Variants in TBC1D32 observed in about 807,000 individuals in gnomAD.
TBC1D32 encodes the protein protein broad-minded.
Under a neutral mutation model 170.3 loss-of-function variants are expected in TBC1D32, and 151 were observed. That is an observed-to-expected ratio of 0.89 (90% CI 0.78 to 1.01). The LOEUF (loss-of-function observed/expected upper bound fraction) is 1.01, where lower values mean the gene tolerates loss of function less well. Ranked by LOEUF, TBC1D32 falls within the 50% of genes least tolerant of loss-of-function variation. The pLI, the probability that TBC1D32 is intolerant of heterozygous loss-of-function variation, is 0.00. For synonymous variants in TBC1D32, 498 were observed against 488.0 expected, an observed-to-expected ratio of 1.02 and a Z score of -0.27; for missense variants, 1,464 against 1,457.1, an observed-to-expected ratio of 1.00 and a Z score of -0.08.
chr6:121,270,961 G>A (rs1801322800), intron 15 of TBC1D32, among the ~76,000 whole-genome samples: 1 of 152,088 alleles, frequency 6.6e-6, no homozygotes, highest in African/African-American at 2.4e-5. Flanking sequence ...TTCAACATAT[G>A]CAAATCAATA....
chr6:121,088,708 C>T (rs1776503132), intron 31 of TBC1D32, among the ~76,000 whole-genome samples: 1 of 152,156 alleles, frequency 6.6e-6, no homozygotes, highest in Admixed American at 6.5e-5. Flanking sequence ...TTGTCCTAAT[C>T]TCTCAGATAA....
intron 29 of TBC1D32, among the ~76,000 whole-genome samples, chr6:121,109,005 G>GA (rs921401884): frequency 7.9e-5 from 12 of 151,900 alleles, no homozygotes; most frequent in Admixed American, 7.2e-4. Context: ...TCTCCTCTCA[G>GA]AAAAAAATGG....
chr6:121,158,626 AG>A (rs1234150329), intron 24 of TBC1D32, among the ~76,000 whole-genome samples: 2 of 152,086 alleles, frequency 1.3e-5, no homozygotes, highest in Non-Finnish European at 2.9e-5. Flanking sequence ...TTTAACTGTG[AG>A]GTAAGTTGAG....
Position 121,145,076 on chromosome 6 carries a change from G to C in TBC1D32, c.2774-13324C>G, listed in dbSNP as rs114923729. On this transcript the variant is annotated intron_variant, in intron 24 of 31. Transcript: ENST00000398212. ...TTACAAGTGGGTCCAAGAGAGAATG[G>C]AAAGAGAGTAATGGGAATACTCAGC... 8.7e-3 allele frequency among the ~76,000 whole-genome samples: 1,320 copies of C among 152,290 alleles called. 17 individuals carry two copies. Among genetic ancestry groups the C allele is most frequent in the African/African-American group, 0.03 (1,255 of 41,568 alleles).
chr6:121,241,570 G>T lies in TBC1D32; in HGVS notation c.2158-18C>A, dbSNP rs1223360031. ...CTGCTGACCTAACAGCATAAATAAG[G>T]AACAGCAATGAAAAGCAACAAAACA... is the stretch of plus-strand genomic sequence containing the variant. On this transcript the variant is annotated intron_variant, in intron 18 of 31. Transcript: ENST00000398212. 6.2e-7 allele frequency: 1 copy of T among 1,602,938 alleles called. No individual in the cohort carries two copies. The highest frequency in any genetic ancestry group is 1.3e-5 in the African/African-American group (1 of 74,776).
chr6:121,083,296 ATTT>A (rs992422521), intron 31 of TBC1D32, among the ~76,000 whole-genome samples: 1 of 151,986 alleles, frequency 6.6e-6, no homozygotes, highest in Non-Finnish European at 1.5e-5. Flanking sequence ...TGCTCAAGAA[ATTT>A]TTTTAATAGA....
chr6:121,255,447 TAG>T, intron 16 of TBC1D32, 37 bp from the exon 17 acceptor site: 2 of 724,594 alleles, frequency 2.8e-6, no homozygotes, highest in Non-Finnish European at 4.3e-6. Flanking sequence ...TGCTTACTGA[TAG>T]CACTAGCCAT....
chr6:121,267,638 C>T (rs1800721020), intron 15 of TBC1D32, among the ~76,000 whole-genome samples: 1 of 152,136 alleles, frequency 6.6e-6, no homozygotes, highest in Non-Finnish European at 1.5e-5. Context: ...CTGGAGCCCA[C>T]CGTAGCTCAA....
At position 121,242,331 on chromosome 6, in the gene TBC1D32, C is replaced by T; in HGVS notation, c.2027G>A (p.Trp676Ter). Residue 676 changes from tryptophan to a stop codon, truncating the protein, a stop_gained, in exon 18 of 32, where the codon TGG (tryptophan) becomes TAG (stop). Coordinates refer to ENST00000398212, the MANE Select transcript of TBC1D32 (RefSeq NM_152730.6). LOFTEE classifies it high-confidence loss of function. ...TAAATCATCTAACAAATTATCTTCC[C>T]AAGCCATACTGAAATAGGTAAAAGA... ...VSQESQNIMA[W>*]EDNLLDDLLH... 1 of 1,610,286 alleles carries T rather than the reference C, an allele frequency of 6.2e-7. No individual in the cohort carries two copies. Among genetic ancestry groups the T allele is most frequent in the Non-Finnish European group, 8.5e-7 (1 of 1,178,924 alleles).
chr6:121,201,847 C>A (rs1406410386), intron 22 of TBC1D32, among the ~76,000 whole-genome samples: 1 of 150,980 alleles, frequency 6.6e-6, no homozygotes, highest in Non-Finnish European at 1.5e-5. Context: ...TAATTTTCTG[C>A]ATTGGTTAAT....
chr6:121,284,587 A>C (rs1210320459), intron 12 of TBC1D32, among the ~76,000 whole-genome samples: 1 of 152,156 alleles, frequency 6.6e-6, no homozygotes, highest in Admixed American at 6.6e-5. Flanking sequence ...CCATAGACAA[A>C]ATTTATCAAC....
At chr6:121,241,877 T>C (rs2128362928) in intron 18 of TBC1D32, among the ~76,000 whole-genome samples, 1 of 152,294 alleles carries the variant, frequency 6.6e-6, no homozygotes, top group Non-Finnish European at 1.5e-5. Context: ...CATATACATT[T>C]AGACACAATA....
At chr6:121,230,003 C>A (rs1211886135) in intron 20 of TBC1D32, among the ~76,000 whole-genome samples, 1 of 152,090 alleles carries the variant, frequency 6.6e-6, no homozygotes. Context: ...CCTCCGCCTT[C>A]CTTCCTGAAT....
intron 21 of TBC1D32, among the ~76,000 whole-genome samples, chr6:121,210,227 CA>C (rs964054829): frequency 4.0e-5 from 6 of 151,716 alleles, no homozygotes; most frequent in African/African-American, 7.3e-5. Context: ...GAAAAACAGG[CA>C]AAAATGAATG....
intron 22 of TBC1D32, among the ~76,000 whole-genome samples, chr6:121,193,099 T>G (rs1790285647): frequency 6.6e-6 from 1 of 152,068 alleles, no homozygotes; most frequent in Non-Finnish European, 1.5e-5. Context: ...AGAACAGGCA[T>G]GGGAATGGAT....
intron 3 of TBC1D32, among the ~76,000 whole-genome samples, chr6:121,312,240 G>A (rs779394889): frequency 6.6e-6 from 1 of 152,108 alleles, no homozygotes; most frequent in South Asian, 2.1e-4. Context: ...AATACCAAAT[G>A]CATGCAGGGC....
chr6:121,290,836 T>G (rs888032072), intron 12 of TBC1D32, among the ~76,000 whole-genome samples: 1 of 152,098 alleles, frequency 6.6e-6, no homozygotes, highest in African/African-American at 2.4e-5. Context: ...AATGATGAGT[T>G]CATGTCTTTT....
intron 17 of TBC1D32, among the ~76,000 whole-genome samples, chr6:121,244,491 T>TG (rs1327931823): frequency 6.6e-6 from 1 of 152,024 alleles, no homozygotes; most frequent in Non-Finnish European, 1.5e-5. Flanking sequence ...GGACCTGCTG[T>TG]GGGGGTGGTT....
chr6:121,278,315 T>A (rs1802517612), intron 15 of TBC1D32, among the ~76,000 whole-genome samples: 1 of 152,020 alleles, frequency 6.6e-6, no homozygotes, highest in African/African-American at 2.4e-5. Context: ...GACTGATATA[T>A]CTCATGAACA....
Sources: allele counts gnomAD v4.1 joint callset (sites outside exome capture counted in the v4.1 genomes callset), GRCh38; gene constraint gnomAD v4.1.1; transcripts MANE v1.5; gene names NCBI Gene and HGNC (gene_info 2026-07-23, HGNC 2026-07-21).